Variants in DEK observed in about 807,000 individuals in gnomAD.
DEK encodes the protein protein DEK.
DEK carries 28 observed loss-of-function variants against 46.8 expected under a neutral mutation model. The observed-to-expected ratio is 0.60, with a 90% CI of 0.44 to 0.82. DEK has a LOEUF of 0.82. Among genes scored for constraint, DEK ranks in the 40% least tolerant of loss-of-function variants. DEK has a pLI of 0.00. For synonymous variants in DEK, 160 were observed against 144.5 expected (o/e 1.11, Z -0.77); for missense variants, 416 against 430.6 (o/e 0.97, Z 0.30).
At chr6:18,228,760 GGAGCCTCGCTCATT>G in intron 9 of DEK, among the ~76,000 whole-genome samples, 1 of 152,204 alleles carries the variant, frequency 6.6e-6, no homozygotes, top group African/African-American at 2.4e-5. Flanking sequence ...CCACGCCCAC[GGAGCCTCGCTCATT>G]GCTAGCACGG....
chr6:18,258,846 A>G (rs112288457), intron 2 of DEK, among the ~76,000 whole-genome samples: 9 of 152,338 alleles, frequency 5.9e-5, no homozygotes, highest in African/African-American at 1.2e-4. Flanking sequence ...ATAGAGAACA[A>G]TAACAATTTA....
At position 18,232,867 on chromosome 6, in the gene DEK, T is replaced by C. The variant is rs2151078946; in HGVS notation, c.1047+3585A>G. 4.6e-5 allele frequency among the ~76,000 whole-genome samples: 7 copies of C among 152,182 alleles called. 1 individual carries two copies. Among genetic ancestry groups the C allele is most frequent in the African/African-American group, 1.7e-4 (7 of 41,516 alleles). ...GGAAAAAACTAAAGTTCATATGGAA[T>C]CAAAAAAGAGCCCGCATTGCCAAAA... On this transcript the variant is annotated intron_variant, in intron 9 of 10. Transcript: ENST00000652689.
chr6:18,244,703 C>G, intron 7 of DEK: 1 of 463,572 alleles, frequency 2.2e-6, no homozygotes, highest in Non-Finnish European at 3.7e-6. Flanking sequence ...AAAGAATGTG[C>G]AAGTCTAGTT....
In DEK at chr6:18,224,842, C is replaced by G. The variant is rs1790037027; in HGVS notation, c.*877G>C. 4.7e-6 allele frequency: 1 copy of G among 210,910 alleles called. No homozygotes were observed. Among genetic ancestry groups the G allele is most frequent in the Non-Finnish European group, 9.7e-6 (1 of 103,572 alleles). The allele number at this position is 210,910 out of a possible 1,614,324, so 13.1% of individuals were successfully genotyped here. A position where few individuals can be genotyped will look rare whatever the true frequency, so the allele number is the denominator to read the frequency against. On this transcript the variant is annotated 3_prime_UTR_variant, in exon 11 of 11. Coordinates refer to ENST00000652689, the MANE Select transcript of DEK (RefSeq NM_003472.4). The stretch of plus-strand genomic sequence containing the variant: ...CCACCCTTTCCCAAAGTTTTTGAAG[C>G]TTTGATAGGTTGATTTTTGGTCTGT...
At chr6:18,230,249 A>G (rs1323539497) in intron 9 of DEK, among the ~76,000 whole-genome samples, 1 of 152,200 alleles carries the variant, frequency 6.6e-6, no homozygotes, top group African/African-American at 2.4e-5. Context: ...GGAAAGGAAC[A>G]ACCGGTACCA....
intron 9 of DEK, among the ~76,000 whole-genome samples, chr6:18,230,075 G>A (rs943687476): frequency 1.2e-4 from 19 of 152,080 alleles, no homozygotes; most frequent in African/African-American, 3.4e-4. Flanking sequence ...GCCAATATTC[G>A]ACATTCTTAA....
intron 7 of DEK, among the ~76,000 whole-genome samples, chr6:18,239,472 A>G (rs1404448028): frequency 1.3e-5 from 2 of 149,270 alleles, no homozygotes; most frequent in African/African-American, 5.0e-5. Context: ...ACCTGGCTGG[A>G]TTTTAGTGTT....
At chr6:18,233,623 A>G (rs1790507558) in intron 9 of DEK, among the ~76,000 whole-genome samples, 1 of 152,246 alleles carries the variant, frequency 6.6e-6, no homozygotes, top group Non-Finnish European at 1.5e-5. Context: ...GCCATCAGAG[A>G]AATGAAATCA....
At chr6:18,235,838 G>A (rs1325353429) in intron 9 of DEK, among the ~76,000 whole-genome samples, 1 of 152,160 alleles carries the variant, frequency 6.6e-6, no homozygotes, top group Non-Finnish European at 1.5e-5. Context: ...GAGAATCAAT[G>A]AATGGTGAAT....
chr6:18,228,459 C>A (rs144055804), intron 9 of DEK, among the ~76,000 whole-genome samples: 2 of 151,826 alleles, frequency 1.3e-5, no homozygotes, highest in Admixed American at 1.3e-4. Context: ...ACGCAGAAGA[C>A]GGGTGATTTC....
intron 6 of DEK, among the ~76,000 whole-genome samples, chr6:18,251,539 A>G (rs558959557): frequency 6.6e-6 from 1 of 152,338 alleles, no homozygotes; most frequent in South Asian, 2.1e-4. Context: ...CACTCCAGGA[A>G]CTTGAAGTTG....
rs1367736163 is a variant in DEK at position 18,224,212 on chromosome 6, A to G, written c.*1507T>C. The G allele has an allele frequency of 5.6e-6, 1 of 177,360 alleles. No homozygotes were observed. Among genetic ancestry groups the G allele is most frequent in the African/African-American group, 2.4e-5 (1 of 42,332 alleles). 11.0% of individuals were successfully genotyped at this position (177,360 alleles called of 1,614,324 possible). A position where few individuals can be genotyped will look rare whatever the true frequency, so the allele number is the denominator to read the frequency against. On this transcript the variant is annotated 3_prime_UTR_variant, in exon 11 of 11. Transcript: ENST00000652689. Reference sequence around the variant, plus strand: ...AGATTTATTTTTATTGACAAGGTTTATAAGAACAAATATTTAAAATCGAAG... The same window carrying G: ...AGATTTATTTTTATTGACAAGGTTTGTAAGAACAAATATTTAAAATCGAAG...
intron 2 of DEK, among the ~76,000 whole-genome samples, chr6:18,262,729 G>C (rs1286120279): frequency 6.6e-6 from 1 of 152,170 alleles, no homozygotes; most frequent in Non-Finnish European, 1.5e-5. Flanking sequence ...GGCTAGCAGC[G>C]AGATAGTGCA....
At chr6:18,227,384 C>T (rs1212144711) in intron 9 of DEK, among the ~76,000 whole-genome samples, 1 of 152,180 alleles carries the variant, frequency 6.6e-6, no homozygotes, top group South Asian at 2.1e-4. Context: ...TATGTGTATG[C>T]ATATCTAAAG....
At chr6:18,249,027 C>A (rs1791245798) in intron 7 of DEK, among the ~76,000 whole-genome samples, 1 of 152,156 alleles carries the variant, frequency 6.6e-6, no homozygotes, top group Admixed American at 6.5e-5. Context: ...CCATGATCTA[C>A]CTGACTGAAG....
intron 4 of DEK, among the ~76,000 whole-genome samples, chr6:18,256,961 A>C (rs951619959): frequency 1.3e-5 from 2 of 152,216 alleles, no homozygotes; most frequent in Non-Finnish European, 2.9e-5. Context: ...TGAGATTAAC[A>C]GACTCACTGA....
chr6:18,241,691 T>C (rs1052558161), intron 7 of DEK, among the ~76,000 whole-genome samples: 2 of 152,212 alleles, frequency 1.3e-5, no homozygotes, highest in East Asian at 1.9e-4. Flanking sequence ...GACTTTTCTT[T>C]GAAGTGCCAG....
chr6:18,254,297 C>A (rs1413014990), intron 6 of DEK, among the ~76,000 whole-genome samples: 1 of 152,114 alleles, frequency 6.6e-6, no homozygotes, highest in African/African-American at 2.4e-5. Context: ...TGCCACTGCA[C>A]TCTAGCCTGG....
intron 7 of DEK, among the ~76,000 whole-genome samples, chr6:18,245,922 T>C (rs1791093140): frequency 6.6e-6 from 1 of 152,252 alleles, no homozygotes; most frequent in South Asian, 2.1e-4. Flanking sequence ...TCTCACCAGA[T>C]CTGATGGTTT....
Sources: gnomAD v4.1 joint callset for allele counts (sites outside exome capture counted in the v4.1 genomes callset) on GRCh38, gnomAD v4.1.1 for gene constraint, MANE v1.5 for transcripts, NCBI Gene and HGNC (gene_info 2026-07-23, HGNC 2026-07-21) for gene names.